CDH12: variants seen among roughly 807,000 people sequenced by gnomAD.
CDH12 encodes cadherin-12.
Under a neutral mutation model 74.1 loss-of-function variants are expected in CDH12, and 41 were observed. The observed-to-expected ratio is 0.55, with a 90% CI of 0.43 to 0.72. The LOEUF (loss-of-function observed/expected upper bound fraction) is 0.72. CDH12 is among the 30% of genes least tolerant of loss of function. The pLI is 0.00. For missense variants in CDH12, 945 were observed against 977.2 expected, an observed-to-expected ratio of 0.97 and a Z score of 0.44; for synonymous variants, 399 against 355.0, an observed-to-expected ratio of 1.12 and a Z score of -1.39.
intron 1 of CDH12, among the ~76,000 whole-genome samples, chr5:22,643,858 T>G (rs1298489168): frequency 6.6e-6 from 1 of 151,464 alleles, no homozygotes; most frequent in Non-Finnish European, 1.5e-5. Flanking sequence ...CTGTCACATT[T>G]GGTAATTCTC....
At chr5:22,838,299 A>C (rs1736923348) in intron 1 of CDH12, among the ~76,000 whole-genome samples, 1 of 152,104 alleles carries the variant, frequency 6.6e-6, no homozygotes, top group East Asian at 1.9e-4. Context: ...TAGTGGCTGA[A>C]TGTGCTTGGA....
intron 1 of CDH12, among the ~76,000 whole-genome samples, chr5:22,732,464 A>G (rs1363343078): frequency 2.0e-5 from 2 of 100,222 alleles, no homozygotes; most frequent in East Asian, 6.1e-4. Context: ...GTGTATATAT[A>G]TATATATACA....
intron 1 of CDH12, among the ~76,000 whole-genome samples, chr5:22,730,194 G>A (rs1204186899): frequency 2.6e-5 from 4 of 151,240 alleles, no homozygotes; most frequent in Non-Finnish European, 4.4e-5. Flanking sequence ...CAACAACAAC[G>A]ACAACAACAA....
intron 5 of CDH12, among the ~76,000 whole-genome samples, chr5:21,976,323 TAA>T (rs1354745348): frequency 2.6e-5 from 4 of 152,074 alleles, no homozygotes; most frequent in African/African-American, 9.6e-5. Flanking sequence ...GGAAGAGAAC[TAA>T]AGAGTAGAGA....
chr5:22,136,408 T>G (rs1746462337), intron 4 of CDH12, among the ~76,000 whole-genome samples: 1 of 151,986 alleles, frequency 6.6e-6, no homozygotes, highest in African/African-American at 2.4e-5. Context: ...CTGTTACTTG[T>G]GTTGTGTCCC....
intron 9 of CDH12, among the ~76,000 whole-genome samples, chr5:21,803,133 A>G (rs1309119287): frequency 6.6e-6 from 1 of 152,178 alleles, no homozygotes; most frequent in Non-Finnish European, 1.5e-5. Context: ...AAAATGAAAT[A>G]GGATCATTGA....
At chr5:22,297,329 T>C (rs1225475486) in intron 3 of CDH12, among the ~76,000 whole-genome samples, 1 of 152,180 alleles carries the variant, frequency 6.6e-6, no homozygotes, top group Non-Finnish European at 1.5e-5. Context: ...CTTTCACATA[T>C]ATTTCTATTT....
chr5:22,242,748 C>T (rs1016377123), intron 3 of CDH12, among the ~76,000 whole-genome samples: 3 of 152,076 alleles, frequency 2.0e-5, no homozygotes, highest in Admixed American at 2.0e-4. Flanking sequence ...CTCTTGGATC[C>T]ATCAGTACTA....
intron 1 of CDH12, among the ~76,000 whole-genome samples, chr5:22,846,419 T>C (rs1737304802): frequency 6.6e-6 from 1 of 152,150 alleles, no homozygotes; most frequent in Admixed American, 6.6e-5. Flanking sequence ...GATAGAGAGA[T>C]GAGTGGGCCT....
chr5:22,130,702 T>C (rs932474866), intron 4 of CDH12, among the ~76,000 whole-genome samples: 2 of 151,788 alleles, frequency 1.3e-5, no homozygotes, highest in African/African-American at 4.8e-5. Context: ...GAAGTTTGAG[T>C]TAGTGTATAT....
At chr5:22,359,799 T>C (rs900716863) in intron 3 of CDH12, among the ~76,000 whole-genome samples, 3 of 152,070 alleles carry the variant, frequency 2.0e-5, no homozygotes, top group African/African-American at 7.2e-5. Context: ...CTCAACTACA[T>C]GGAAACTGAA....
chr5:22,802,840 G>A (rs1748603180), intron 1 of CDH12, among the ~76,000 whole-genome samples: 1 of 152,128 alleles, frequency 6.6e-6, no homozygotes, highest in South Asian at 2.1e-4. Flanking sequence ...TCTGTTGAGA[G>A]CCGAGTTTGG....
intron 1 of CDH12, among the ~76,000 whole-genome samples, chr5:22,668,435 G>C (rs1290555484): frequency 6.6e-6 from 1 of 152,158 alleles, no homozygotes; most frequent in East Asian, 1.9e-4. Context: ...TAGAATACCT[G>C]AAACTGGATA....
At chr5:21,908,284 T>TA (rs1753727125) in intron 6 of CDH12, among the ~76,000 whole-genome samples, 1 of 152,184 alleles carries the variant, frequency 6.6e-6, no homozygotes, top group South Asian at 2.1e-4. Flanking sequence ...ACAGCAATTG[T>TA]AACTGCAATC....
chr5:21,893,834 C>T lies in CDH12; in HGVS notation c.527-39044G>A, dbSNP rs1752999903. ...GAAAAGTGTACCAACTGAAATGGCT[C>T]CTTACATAAACAGCTGCCAGTGAGA... On this transcript the variant is annotated intron_variant, in intron 6 of 14. Coordinates refer to ENST00000382254, the MANE Select transcript of CDH12 (RefSeq NM_004061.5). Among the ~76,000 whole-genome samples the T allele has an allele frequency of 2.0e-5, 3 of 152,138 alleles. No individual in the cohort carries two copies. The South Asian group carries it at 6.2e-4, about 31-fold the overall frequency.
At chr5:22,786,994 CT>C (rs1406815025) in intron 1 of CDH12, among the ~76,000 whole-genome samples, 1 of 151,872 alleles carries the variant, frequency 6.6e-6, no homozygotes, top group African/African-American at 2.4e-5. Flanking sequence ...GCCCTCACAC[CT>C]TTTTGATTAA....
chr5:22,734,806 A>C (rs1203055859), intron 1 of CDH12, among the ~76,000 whole-genome samples: 1 of 151,962 alleles, frequency 6.6e-6, no homozygotes, highest in Non-Finnish European at 1.5e-5. Flanking sequence ...CCTGTTTCCT[A>C]AAATATAAAA....
intron 4 of CDH12, among the ~76,000 whole-genome samples, chr5:22,189,480 C>A (rs1279551580): frequency 6.6e-6 from 1 of 151,924 alleles, no homozygotes; most frequent in Admixed American, 6.6e-5. Flanking sequence ...ATATTGCATA[C>A]TGTATGCTAC....
intron 1 of CDH12, among the ~76,000 whole-genome samples, chr5:22,796,567 T>C (rs1472189530): frequency 3.2e-5 from 4 of 124,954 alleles, no homozygotes. Flanking sequence ...TCGCCCAGGC[T>C]GGAGTGCAGT....
Sources: gnomAD v4.1 joint callset for allele counts (sites outside exome capture counted in the v4.1 genomes callset) on GRCh38, gnomAD v4.1.1 for gene constraint, MANE v1.5 for transcripts, NCBI Gene and HGNC (gene_info 2026-07-23, HGNC 2026-07-21) for gene names.